Variants in STXBP5L observed in about 807,000 individuals in gnomAD.
STXBP5L encodes the protein syntaxin binding protein 5L, also known as syntaxin-binding protein 5-like.
In STXBP5L, 65 loss-of-function variants were observed where a neutral mutation model predicts 144.5. The observed-to-expected ratio is 0.45, with a 90% CI of 0.37 to 0.55. The LOEUF is 0.55. STXBP5L is among the 20% of genes least tolerant of loss of function. The pLI, the probability that STXBP5L is intolerant of heterozygous loss-of-function variation, is 0.00. For missense variants in STXBP5L, 1,298 were observed against 1,405.5 expected (o/e 0.92, Z 1.22); for synonymous variants, 505 against 469.6 (o/e 1.08, Z -0.97).
At chr3:120,988,601 A>G (rs1559959940) in intron 3 of STXBP5L, among the ~76,000 whole-genome samples, 1 of 152,002 alleles carries the variant, frequency 6.6e-6, no homozygotes, top group Non-Finnish European at 1.5e-5. Flanking sequence ...GAAATATTCT[A>G]TATTTGTCAA....
chr3:121,096,500 C>T (rs1300281960), intron 5 of STXBP5L, among the ~76,000 whole-genome samples: 2 of 152,094 alleles, frequency 1.3e-5, no homozygotes, highest in Non-Finnish European at 2.9e-5. Context: ...GATTTATCTA[C>T]TTTTGGTCCT....
intron 3 of STXBP5L, among the ~76,000 whole-genome samples, chr3:121,000,579 G>A (rs1267973661): frequency 6.6e-6 from 1 of 152,054 alleles, no homozygotes; most frequent in Non-Finnish European, 1.5e-5. Context: ...GATGATCATT[G>A]CCATTGCCAT....
Position 121,190,767 on chromosome 3 carries a change from C to G in STXBP5L, c.878-15156C>G, listed in dbSNP as rs1357472144. Among the ~76,000 whole-genome samples, 13 of 33,822 alleles carry G rather than the reference C, an allele frequency of 3.8e-4. No individual in the cohort carries two copies. The East Asian group carries it at 0.022, about 58-fold the overall frequency. The allele number at this position is 33,822 out of a possible 152,430, so 22.2% of individuals were successfully genotyped here. Reference sequence around the variant, plus strand: ...ATGGGGCAGCTGCCGGGCGGAGGGGCTCCTCAATTCCCAGATGGGGCGGCT... The same window carrying G: ...ATGGGGCAGCTGCCGGGCGGAGGGGGTCCTCAATTCCCAGATGGGGCGGCT... On this transcript the variant is annotated intron_variant, in intron 9 of 26. Transcript: ENST00000471454.
chr3:121,093,007 T>G (rs1382736843), intron 5 of STXBP5L, among the ~76,000 whole-genome samples: 1 of 152,226 alleles, frequency 6.6e-6, no homozygotes, highest in African/African-American at 2.4e-5. Flanking sequence ...GTCAAAGGCC[T>G]TTTCTGCAGC....
intron 23 of STXBP5L, among the ~76,000 whole-genome samples, chr3:121,410,175 A>G (rs1245079196): frequency 6.6e-6 from 1 of 151,792 alleles, no homozygotes; most frequent in Non-Finnish European, 1.5e-5. Flanking sequence ...TACATGCCTC[A>G]GATTTGGGGG....
At chr3:121,266,442 C>T (rs767871459) in intron 18 of STXBP5L, among the ~76,000 whole-genome samples, 1 of 152,176 alleles carries the variant, frequency 6.6e-6, no homozygotes, top group Non-Finnish European at 1.5e-5. Context: ...AGGCTAAAAA[C>T]TCTCAATAAA....
rs772961563 is a variant in STXBP5L at position 121,247,458 on chromosome 3, C to T, written c.1401-3265C>T. Among the ~76,000 whole-genome samples the T allele has an allele frequency of 2.0e-5, 3 of 152,242 alleles. No individual in the cohort carries two copies. The East Asian group carries it at 5.8e-4, about 29-fold the overall frequency. ...AATACCCAATAGGTAGTTTTCAATC[C>T]AAATCCCTCGCCTTCTCTCCCCACT... On this transcript the variant is annotated intron_variant, in intron 14 of 26. Coordinates refer to ENST00000471454, the MANE Select transcript of STXBP5L (RefSeq NM_001308330.2).
chr3:121,048,346 A>G (rs1469735430), intron 5 of STXBP5L, among the ~76,000 whole-genome samples: 3 of 151,896 alleles, frequency 2.0e-5, no homozygotes, highest in African/African-American at 7.3e-5. Flanking sequence ...TTTGTGTAGT[A>G]TCTCACGCTG....
At chr3:121,030,640 G>A (rs1946300643) in intron 3 of STXBP5L, among the ~76,000 whole-genome samples, 1 of 152,012 alleles carries the variant, frequency 6.6e-6, no homozygotes, top group African/African-American at 2.4e-5. Flanking sequence ...TAACAAACCA[G>A]CACGTTCTGC....
At chr3:120,978,834 C>T (rs1435053926) in intron 3 of STXBP5L, among the ~76,000 whole-genome samples, 2 of 152,206 alleles carry the variant, frequency 1.3e-5, no homozygotes, top group Non-Finnish European at 2.9e-5. Context: ...GCCTCGGTAT[C>T]AGCAGCGGTG....
chr3:120,960,003 C>T (rs553676093), intron 3 of STXBP5L, among the ~76,000 whole-genome samples: 4 of 152,026 alleles, frequency 2.6e-5, no homozygotes, highest in Admixed American at 2.0e-4. Context: ...TGCAATCTAC[C>T]TATCTGACAA....
chr3:121,360,445 G>A (rs2045677358), intron 20 of STXBP5L, among the ~76,000 whole-genome samples: 1 of 151,684 alleles, frequency 6.6e-6, no homozygotes, highest in Non-Finnish European at 1.5e-5. Context: ...TTTGTTATTT[G>A]TTTTCTGGTT....
intron 3 of STXBP5L, among the ~76,000 whole-genome samples, chr3:120,968,429 A>G (rs564210231): frequency 6.6e-6 from 1 of 152,192 alleles, no homozygotes; most frequent in East Asian, 1.9e-4. Flanking sequence ...CTGCTGCTGT[A>G]TGTTGGCTTC....
At chr3:121,064,347 C>T (rs1255512221) in intron 5 of STXBP5L, among the ~76,000 whole-genome samples, 1 of 152,220 alleles carries the variant, frequency 6.6e-6, no homozygotes, top group African/African-American at 2.4e-5. Context: ...TACCTCAGTT[C>T]AAAATGCAGA....
At chr3:120,947,560 A>G (rs2107673290) in intron 2 of STXBP5L, among the ~76,000 whole-genome samples, 1 of 151,910 alleles carries the variant, frequency 6.6e-6, no homozygotes, top group Non-Finnish European at 1.5e-5. Context: ...TCCACGATCA[A>G]TTTTAGAACA....
At chr3:121,381,059 A>C (rs1183009777) in intron 21 of STXBP5L, among the ~76,000 whole-genome samples, 6 of 152,154 alleles carry the variant, frequency 3.9e-5, no homozygotes, top group Non-Finnish European at 7.4e-5. Flanking sequence ...GCTGGAGCTC[A>C]GGAGCCTCCA....
At chr3:120,936,644 C>G (rs1217934109) in intron 2 of STXBP5L, among the ~76,000 whole-genome samples, 1 of 151,694 alleles carries the variant, frequency 6.6e-6, no homozygotes, top group Non-Finnish European at 1.5e-5. Flanking sequence ...GAGTCTCGCT[C>G]TGTCTCCCAG....
chr3:121,328,760 T>A (rs952461936), intron 20 of STXBP5L, among the ~76,000 whole-genome samples: 4 of 150,634 alleles, frequency 2.7e-5, no homozygotes, highest in Non-Finnish European at 4.4e-5. Flanking sequence ...AAAAAAAAAA[T>A]AAAAAATAAA....
At chr3:121,318,411 G>C (rs1161596099) in intron 19 of STXBP5L, 64 bp from the exon 20 acceptor site, 28 of 1,293,482 alleles carry the variant, frequency 2.2e-5, no homozygotes, top group Non-Finnish European at 2.6e-5. Context: ...TAGGAATTAA[G>C]AAATAAGAAT....
Sources: gnomAD v4.1 joint callset for allele counts (sites outside exome capture counted in the v4.1 genomes callset) on GRCh38, gnomAD v4.1.1 for gene constraint, MANE v1.5 for transcripts, NCBI Gene and HGNC (gene_info 2026-07-23, HGNC 2026-07-21) for gene names.